Variants in CYP3A43 observed in about 807,000 individuals in gnomAD.
The protein encoded by CYP3A43 is cytochrome P450 3A43.
CYP3A43 carries 45 observed loss-of-function variants against 58.0 expected under a neutral mutation model. That is an observed-to-expected ratio of 0.78 (90% CI 0.61 to 0.99). The LOEUF (loss-of-function observed/expected upper bound fraction) is 0.99, where lower values mean the gene tolerates loss of function less well. Ranked by LOEUF, CYP3A43 falls within the 50% of genes least tolerant of loss-of-function variation. CYP3A43 has a pLI of 0.00. For missense variants in CYP3A43, 593 were observed against 591.9 expected, an observed-to-expected ratio of 1.00 and a Z score of -0.02; for synonymous variants, 191 against 201.4, an observed-to-expected ratio of 0.95 and a Z score of 0.44.
In CYP3A43 at chr7:99,859,860, C is replaced by G; in HGVS notation, c.896C>G (p.Ser299Ter). 6.2e-7 allele frequency: 1 copy of G among 1,614,124 alleles called. No homozygotes were observed. Among genetic ancestry groups the G allele is most frequent in the Non-Finnish European group, 8.5e-7 (1 of 1,180,026 alleles). ...ALSDLELVAQ[S>*]IIIIFAAYDT... is the part of the protein sequence containing the mutation. ...TCTGATCTGGAGCTTGTGGCCCAGT[C>G]AATTATCATCATTTTTGCTGCCTAT... The change falls in exon 10 of 13, where the codon TCA (serine) becomes TGA (stop). Residue 299 changes from serine to a stop codon, truncating the protein, a stop_gained. Coordinates refer to ENST00000354829, the MANE Select transcript of CYP3A43 (RefSeq NM_057095.3). LOFTEE classifies it high-confidence loss of function.
At chr7:99,849,172 C>T (rs1817648303) in intron 6 of CYP3A43, among the ~76,000 whole-genome samples, 1 of 152,126 alleles carries the variant, frequency 6.6e-6, no homozygotes, top group Non-Finnish European at 1.5e-5. Context: ...TATTGATTGG[C>T]CGAGAAAGAG....
At chr7:99,857,228 T>C (rs1182858530) in intron 9 of CYP3A43, among the ~76,000 whole-genome samples, 1 of 152,078 alleles carries the variant, frequency 6.6e-6, no homozygotes. Context: ...ACATCTAACA[T>C]CCAATCAGGA....
At chr7:99,852,393 C>T (rs968539380) in intron 7 of CYP3A43, among the ~76,000 whole-genome samples, 5 of 152,120 alleles carry the variant, frequency 3.3e-5, no homozygotes, top group African/African-American at 1.2e-4. Context: ...GAAGTATTGC[C>T]ATTTTGACCT....
intron 8 of CYP3A43, among the ~76,000 whole-genome samples, chr7:99,856,095 T>G (rs1363079913): frequency 6.6e-6 from 1 of 152,224 alleles, no homozygotes; most frequent in Non-Finnish European, 1.5e-5. Context: ...ATTTCCCTAG[T>G]TCTTATATTA....
At chr7:99,849,753 C>T in intron 7 of CYP3A43, 59 bp downstream of exon 7, 1 of 1,470,438 alleles carries the variant, frequency 6.8e-7, no homozygotes, top group East Asian at 2.3e-5. Flanking sequence ...TTTTTAAAAA[C>T]AGTTTTATTG....
chr7:99,860,234 A>AT (rs376975766), intron 10 of CYP3A43, among the ~76,000 whole-genome samples: 46 of 152,376 alleles, frequency 3.0e-4, no homozygotes, highest in African/African-American at 1.1e-3. Context: ...TGTTAGCAAC[A>AT]TAACACCAAG....
intron 4 of CYP3A43, among the ~76,000 whole-genome samples, 195 bp downstream of exon 4, chr7:99,844,437 T>G (rs1357856782): frequency 6.6e-6 from 1 of 152,156 alleles, no homozygotes; most frequent in Non-Finnish European, 1.5e-5. Flanking sequence ...ATTGACACAA[T>G]CCACAGAACT....
chr7:99,848,149 G>A lies in CYP3A43; in HGVS notation c.433-17G>A, dbSNP rs764988602. 9 of 1,613,496 alleles carry A rather than the reference G, an allele frequency of 5.6e-6. No homozygotes were observed. The highest frequency in any genetic ancestry group is 2.2e-5 in the East Asian group (1 of 44,880). ...CTCGAGTCTGCGTAGTTAACTATGG[G>A]TGGTGTTGTGTTTTAGATGGTCCCC... On this transcript the variant is annotated splice_polypyrimidine_tract_variant and intron_variant, in intron 5 of 12. Transcript: ENST00000354829.
intron 12 of CYP3A43, 149 bp downstream of exon 12, chr7:99,863,848 T>C (rs980066987): frequency 1.6e-5 from 10 of 616,858 alleles, no homozygotes; most frequent in Non-Finnish European, 2.5e-5. Flanking sequence ...TAAAGATGAA[T>C]CACTTCTGGA....
intron 1 of CYP3A43, among the ~76,000 whole-genome samples, chr7:99,833,994 T>C (rs189342224): frequency 7.2e-5 from 11 of 152,344 alleles, no homozygotes; most frequent in Admixed American, 7.2e-4. Flanking sequence ...AACTAGAACA[T>C]GTGCCATCTT....
intron 3 of CYP3A43, among the ~76,000 whole-genome samples, chr7:99,841,335 T>A (rs1046251951): frequency 2.0e-5 from 3 of 152,192 alleles, no homozygotes; most frequent in Non-Finnish European, 4.4e-5. Context: ...AATGTCAATT[T>A]TCCCCTCTAG....
intron 2 of CYP3A43, among the ~76,000 whole-genome samples, chr7:99,837,151 A>G (rs1817119574): frequency 1.0e-5 from 1 of 95,376 alleles, no homozygotes; most frequent in Non-Finnish European, 1.8e-5. Flanking sequence ...TAAAAATACA[A>G]AAAAAAAAAA....
chr7:99,856,836 C>T lies in CYP3A43; in HGVS notation c.802C>T (p.Arg268Ter), dbSNP rs746142784. 5 of 1,613,888 alleles carry T rather than the reference C, an allele frequency of 3.1e-6. No homozygotes were observed. In the East Asian group the frequency reaches 8.9e-5, roughly 29 times the overall value. The change falls in exon 9 of 13, where the codon CGA (arginine) becomes TGA (stop). Residue 268 changes from arginine (R) to a stop codon, truncating the protein, a stop_gained. Coordinates refer to ENST00000354829, the MANE Select transcript of CYP3A43 (RefSeq NM_057095.3). LOFTEE classifies it high-confidence loss of function. ...ESRLKDKQKH[R>*]VDFFQQMIDS... ...AAATTTCTCTTTTTGCTTCCAGCAT[C>T]GAGTAGATTTCTTTCAACAGATGAT... is the stretch of plus-strand genomic sequence containing the variant.
At chr7:99,865,881 G>C in intron 12 of CYP3A43, 25 bp from the exon 13 acceptor site, 1 of 1,473,012 alleles carries the variant, frequency 6.8e-7, no homozygotes, top group South Asian at 1.2e-5. Context: ...CATTGTTTCT[G>C]AATATTCTTG....
intron 6 of CYP3A43, 149 bp from the exon 7 acceptor site, chr7:99,849,397 G>C (rs1258493504): frequency 2.2e-6 from 2 of 910,816 alleles, no homozygotes; most frequent in African/African-American, 3.5e-5. Flanking sequence ...AATGCCTCAT[G>C]AGTATGATGG....
chr7:99,850,482 G>C (rs1563067285), intron 7 of CYP3A43, among the ~76,000 whole-genome samples: 1 of 151,846 alleles, frequency 6.6e-6, no homozygotes, highest in African/African-American at 2.4e-5. Context: ...GGATGATCTC[G>C]ATCTCTTGAC....
chr7:99,830,202 C>A (rs1816787579), intron 1 of CYP3A43, among the ~76,000 whole-genome samples: 2 of 152,292 alleles, frequency 1.3e-5, no homozygotes, highest in Middle Eastern at 6.8e-3. Context: ...CTTGAGCCCC[C>A]TCCCTATAAT....
chr7:99,855,485 T>C lies in CYP3A43; in HGVS notation c.671-106T>C, dbSNP rs773558414. The C allele has an allele frequency of 8.5e-4, 1,154 of 1,364,514 alleles. 1 individual carries two copies. The highest frequency in any genetic ancestry group is 2.3e-3 in the Middle Eastern group (9 of 3,840). The allele number at this position is 1,364,514 out of a possible 1,614,324, so 84.5% of individuals were successfully genotyped here. A position where few individuals can be genotyped will look rare whatever the true frequency, so the allele number is the denominator to read the frequency against. ...GGTCATACAGGAAATGGATCCTGGT[T>C]GAGAACCCTGAAGTCTATAGGTAGA... On this transcript the variant is annotated intron_variant, in intron 7 of 12. Coordinates refer to ENST00000354829, the MANE Select transcript of CYP3A43 (RefSeq NM_057095.3).
At chr7:99,857,770 G>C (rs1442507327) in intron 9 of CYP3A43, among the ~76,000 whole-genome samples, 2 of 152,120 alleles carry the variant, frequency 1.3e-5, no homozygotes, top group Non-Finnish European at 2.9e-5. Context: ...TTGAACCAGG[G>C]AGGCGGAGGT....
Sources: gnomAD v4.1 joint callset for allele counts (sites outside exome capture counted in the v4.1 genomes callset) on GRCh38, gnomAD v4.1.1 for gene constraint, MANE v1.5 for transcripts, NCBI Gene and HGNC (gene_info 2026-07-23, HGNC 2026-07-21) for gene names.